The following DPP6 variants were observed in gnomAD, a reference collection of about 807,000 sequenced individuals.
DPP6 encodes dipeptidyl peptidase like 6, also known as A-type potassium channel modulatory protein DPP6.
DPP6 carries 69 observed loss-of-function variants against 122.6 expected under a neutral mutation model. The ratio of observed to expected loss-of-function variants is 0.56; its 90% CI spans 0.46 to 0.69. The LOEUF is 0.69. Among genes scored for constraint, DPP6 ranks in the 30% least tolerant of loss-of-function variants. The pLI is 0.00. For missense variants in DPP6, 928 were observed against 1,116.9 expected, an observed-to-expected ratio of 0.83 and a Z score of 2.41; for synonymous variants, 418 against 433.1, an observed-to-expected ratio of 0.97 and a Z score of 0.43.
At chr7:153,748,718 C>G in the DPP6 span, among the ~76,000 whole-genome samples, 1 of 116,638 alleles carries the variant, frequency 8.6e-6, no homozygotes, top group African/African-American at 3.1e-5. Context: ...GGCCCGGCTT[C>G]CCTCCGGGGT....
intron 1 of DPP6, among the ~76,000 whole-genome samples, chr7:153,921,478 T>G (rs1210251179): frequency 6.6e-6 from 1 of 152,210 alleles, no homozygotes; most frequent in Non-Finnish European, 1.5e-5. Context: ...ACATAACTCA[T>G]AACATTTTTG....
At chr7:154,759,201 C>T (rs1446009057) in intron 8 of DPP6, among the ~76,000 whole-genome samples, 2 of 152,230 alleles carry the variant, frequency 1.3e-5, no homozygotes, top group East Asian at 3.9e-4. Flanking sequence ...CAATTTCCCG[C>T]AGACTCTCCA....
At chr7:154,513,681 T>G (rs2129842899) in intron 3 of DPP6, among the ~76,000 whole-genome samples, 1 of 152,226 alleles carries the variant, frequency 6.6e-6, no homozygotes, top group South Asian at 2.1e-4. Context: ...CTGCACTGAT[T>G]CCACCACAAG....
At chr7:154,570,235 A>T (rs1261423432) in intron 5 of DPP6, among the ~76,000 whole-genome samples, 1 of 151,948 alleles carries the variant, frequency 6.6e-6, no homozygotes. Context: ...GTACAGCAAC[A>T]TCCTGAGAAT....
intron 1 of DPP6, among the ~76,000 whole-genome samples, chr7:154,365,640 C>T (rs1049589275): frequency 6.6e-6 from 1 of 152,200 alleles, no homozygotes; most frequent in Non-Finnish European, 1.5e-5. Flanking sequence ...TTGCGGTTCA[C>T]ATTCACCGTC....
the DPP6 span, among the ~76,000 whole-genome samples, chr7:153,826,223 G>T: frequency 6.6e-6 from 1 of 152,166 alleles, no homozygotes; most frequent in African/African-American, 2.4e-5. Flanking sequence ...AATGGATGTA[G>T]GGTATTTCAA....
chr7:154,435,346 A>C (rs183806900), intron 1 of DPP6, among the ~76,000 whole-genome samples: 1 of 152,258 alleles, frequency 6.6e-6, no homozygotes, highest in East Asian at 1.9e-4. Context: ...TTGCTGCCAC[A>C]CGCTGCACTG....
intron 3 of DPP6, among the ~76,000 whole-genome samples, chr7:154,529,897 A>G (rs1224234248): frequency 6.6e-6 from 1 of 152,174 alleles, no homozygotes; most frequent in African/African-American, 2.4e-5. Flanking sequence ...AGGCCAAGGC[A>G]GGTGGATCAC....
chr7:154,784,597 C>G (rs541492457), intron 10 of DPP6, among the ~76,000 whole-genome samples: 1 of 152,232 alleles, frequency 6.6e-6, no homozygotes, highest in South Asian at 2.1e-4. Context: ...AAAGCCAGCT[C>G]AAGTATTGGT....
At chr7:154,284,719 G>A (rs1804740877) in intron 1 of DPP6, among the ~76,000 whole-genome samples, 1 of 152,214 alleles carries the variant, frequency 6.6e-6, no homozygotes, top group Non-Finnish European at 1.5e-5. Flanking sequence ...GCCGGGCGTG[G>A]TGGTGTGCAC....
intron 1 of DPP6, among the ~76,000 whole-genome samples, chr7:154,187,915 T>G (rs901101218): frequency 6.6e-6 from 1 of 152,120 alleles, no homozygotes; most frequent in African/African-American, 2.4e-5. Flanking sequence ...GCCCGGGATA[T>G]CAATACATGC....
At chr7:154,147,918 G>C (rs1451127551) in intron 1 of DPP6, among the ~76,000 whole-genome samples, 1 of 151,788 alleles carries the variant, frequency 6.6e-6, no homozygotes, top group Admixed American at 6.6e-5. Context: ...AACAAAAGCA[G>C]TGCTTTCGAT....
At chr7:154,312,799 C>G (rs577605988) in intron 1 of DPP6, among the ~76,000 whole-genome samples, 120 of 152,300 alleles carry the variant, frequency 7.9e-4, no homozygotes, top group African/African-American at 2.7e-3. Context: ...TGGTTCAACC[C>G]TTTGAGTAGG....
rs1304800824 is a variant in DPP6 at position 154,270,652 on chromosome 7, G to A, written c.244-175562G>A. Among the ~76,000 whole-genome samples, 6 of 152,270 alleles carry A rather than the reference G, an allele frequency of 3.9e-5. No homozygotes were observed. In the East Asian group the frequency reaches 5.8e-4, roughly 15 times the overall value. On this transcript the variant is annotated intron_variant, in intron 1 of 25. Transcript: ENST00000377770. ...AGATCCACCCTTAAGGCGGCAAAGTGTGTACTAAGGCATCAAAAGGACAAG... is the reference window on the plus strand; with the variant it reads ...AGATCCACCCTTAAGGCGGCAAAGTATGTACTAAGGCATCAAAAGGACAAG...
At chr7:153,839,822 T>C in the DPP6 span, among the ~76,000 whole-genome samples, 1 of 152,200 alleles carries the variant, frequency 6.6e-6, no homozygotes, top group East Asian at 1.9e-4. Context: ...TCAGAAAATC[T>C]AGGTCTGATT....
chr7:154,286,582 C>T (rs78172357), intron 1 of DPP6, among the ~76,000 whole-genome samples: 1,906 of 152,242 alleles, frequency 0.013, 28 homozygotes, highest in South Asian at 0.015. Context: ...GCAAAGCTTT[C>T]CAAATGGTTG....
intron 1 of DPP6, among the ~76,000 whole-genome samples, chr7:153,987,164 C>A (rs1796887887): frequency 6.6e-6 from 1 of 152,152 alleles, no homozygotes; most frequent in Non-Finnish European, 1.5e-5. Context: ...TATGGCATCA[C>A]CCTTGCTAAT....
intron 16 of DPP6, among the ~76,000 whole-genome samples, chr7:154,828,364 G>A (rs1039675746): frequency 6.6e-6 from 1 of 150,458 alleles, no homozygotes; most frequent in Non-Finnish European, 1.5e-5. Flanking sequence ...AATAAACTGT[G>A]TGCCTGGCAA....
chr7:154,823,825 T>A (rs570315047), intron 16 of DPP6, among the ~76,000 whole-genome samples: 1 of 152,336 alleles, frequency 6.6e-6, no homozygotes, highest in South Asian at 2.1e-4. Flanking sequence ...TCAGGGCCCA[T>A]TGCAGCACCC....
Sources: allele counts gnomAD v4.1 joint callset (sites outside exome capture counted in the v4.1 genomes callset), GRCh38; gene constraint gnomAD v4.1.1; transcripts MANE v1.5; gene names NCBI Gene and HGNC (gene_info 2026-07-23, HGNC 2026-07-21).